ATP9B: variants seen among roughly 807,000 people sequenced by gnomAD.
ATP9B encodes ATPase phospholipid transporting 9B.
A neutral mutation model predicts 146.1 loss-of-function variants in ATP9B; 110 were observed. The ratio of observed to expected loss-of-function variants is 0.75; its 90% CI spans 0.65 to 0.88. ATP9B has a LOEUF of 0.88. Ranked by LOEUF, ATP9B falls within the 40% of genes least tolerant of loss-of-function variation. The probability of loss-of-function intolerance (pLI) is 0.00; values close to 1 mark genes in which losing one functional copy is unlikely to be tolerated. For missense variants in ATP9B, 1,499 were observed against 1,496.4 expected (o/e 1.00, Z -0.03); for synonymous variants, 604 against 569.7 (o/e 1.06, Z -0.86).
chr18:79,175,061 C>T (rs190999024), intron 7 of ATP9B, among the ~76,000 whole-genome samples: 94 of 152,016 alleles, frequency 6.2e-4, no homozygotes, highest in African/African-American at 1.4e-3. Context: ...ATTAGCTGGG[C>T]ATGGTGGCAC....
At chr18:79,295,313 C>A (rs2146266629) in intron 13 of ATP9B, among the ~76,000 whole-genome samples, 1 of 152,288 alleles carries the variant, frequency 6.6e-6, no homozygotes, top group East Asian at 1.9e-4. Flanking sequence ...GAAATTGGCA[C>A]GTAATTATGT....
intron 25 of ATP9B, among the ~76,000 whole-genome samples, chr18:79,356,531 A>G (rs1410074905): frequency 6.6e-6 from 1 of 152,246 alleles, no homozygotes; most frequent in East Asian, 1.9e-4. Flanking sequence ...GCCTGCCACA[A>G]AATAGTAGTC....
At chr18:79,332,964 A>G (rs922620609) in intron 17 of ATP9B, 5 of 152,260 alleles carry the variant, frequency 3.3e-5, no homozygotes, top group Non-Finnish European at 7.3e-5. Flanking sequence ...GTCAAATACA[A>G]TCAACTGGAT....
intron 26 of ATP9B, chr18:79,359,725 T>C (rs1030005609): frequency 4.5e-5 from 19 of 420,744 alleles, no homozygotes; most frequent in African/African-American, 3.8e-4. Context: ...ACAATTAGAA[T>C]TGTAAAAGAT....
At chr18:79,196,028 T>A (rs1386733271) in intron 9 of ATP9B, among the ~76,000 whole-genome samples, 1 of 152,158 alleles carries the variant, frequency 6.6e-6, no homozygotes, top group African/African-American at 2.4e-5. Context: ...TGTCATATTT[T>A]ACATATACAG....
At chr18:79,252,599 TC>T (rs1276960765) in intron 11 of ATP9B, among the ~76,000 whole-genome samples, 4 of 152,192 alleles carry the variant, frequency 2.6e-5, no homozygotes, top group Non-Finnish European at 5.9e-5. Context: ...TTGCTAGTTC[TC>T]TCTGTTTCCA....
chr18:79,353,204 G>C (rs1474925234), intron 25 of ATP9B: 5 of 152,284 alleles, frequency 3.3e-5, no homozygotes, highest in African/African-American at 7.2e-5. Context: ...AAGCAGGCTG[G>C]CAGTTTTTAT....
intron 11 of ATP9B, among the ~76,000 whole-genome samples, chr18:79,220,144 T>G (rs1308061909): frequency 1.3e-5 from 2 of 152,158 alleles, no homozygotes; most frequent in Admixed American, 1.3e-4. Flanking sequence ...GTGAGAGGGC[T>G]CCTTATGGAC....
intron 15 of ATP9B, among the ~76,000 whole-genome samples, chr18:79,315,201 G>A (rs1334984898): frequency 1.3e-5 from 2 of 152,174 alleles, no homozygotes; most frequent in Non-Finnish European, 2.9e-5. Context: ...TTGCTTTTGG[G>A]TTTACAGAAG....
At chr18:79,233,507 G>A (rs1004116651) in intron 11 of ATP9B, among the ~76,000 whole-genome samples, 2 of 152,162 alleles carry the variant, frequency 1.3e-5, no homozygotes, top group Non-Finnish European at 2.9e-5. Flanking sequence ...AGAGAATCTT[G>A]AAAAGAGCCA....
chr18:79,292,114 C>T (rs541736523), intron 13 of ATP9B, among the ~76,000 whole-genome samples: 3 of 152,302 alleles, frequency 2.0e-5, no homozygotes, highest in Non-Finnish European at 4.4e-5. Context: ...GTGGATACAC[C>T]ACACTTTATT....
chr18:79,095,294 C>CA (rs1178732912), intron 1 of ATP9B, among the ~76,000 whole-genome samples: 1 of 152,152 alleles, frequency 6.6e-6, no homozygotes, highest in Non-Finnish European at 1.5e-5. Flanking sequence ...TGGCTCTATG[C>CA]ACCCTCCTGT....
intron 2 of ATP9B, among the ~76,000 whole-genome samples, chr18:79,102,977 C>G (rs749309670): frequency 7.2e-5 from 11 of 152,158 alleles, no homozygotes; most frequent in Non-Finnish European, 1.5e-4. Flanking sequence ...GATCCTTTAT[C>G]CTATAACCTT....
chr18:79,232,006 T>TG (rs1002229090), intron 11 of ATP9B, among the ~76,000 whole-genome samples: 6 of 151,842 alleles, frequency 4.0e-5, no homozygotes, highest in African/African-American at 1.2e-4. Context: ...TTTGGGGACT[T>TG]GGGGGAAAGG....
intron 15 of ATP9B, among the ~76,000 whole-genome samples, chr18:79,320,999 C>A (rs1327701072): frequency 6.6e-6 from 1 of 152,174 alleles, no homozygotes; most frequent in Non-Finnish European, 1.5e-5. Context: ...TAGACTCAAA[C>A]TTATCAATCC....
Position 79,197,940 on chromosome 18 carries a change from A to G in ATP9B, c.954+4677A>G. Reference sequence around the variant, plus strand: ...TAGAATAAGGACATGTAGTTTATTAAGACTATAGAATATTAAAATAACATT... The same window carrying G: ...TAGAATAAGGACATGTAGTTTATTAGGACTATAGAATATTAAAATAACATT... On this transcript the variant is annotated intron_variant, in intron 9 of 29. Coordinates refer to ENST00000426216, the MANE Select transcript of ATP9B (RefSeq NM_198531.5). Among the ~76,000 whole-genome samples the G allele has an allele frequency of 2.0e-5, 3 of 152,366 alleles. No homozygotes were observed. The South Asian group carries it at 6.2e-4, about 32-fold the overall frequency.
chr18:79,234,271 A>G (rs971054115), intron 11 of ATP9B, among the ~76,000 whole-genome samples: 1 of 152,194 alleles, frequency 6.6e-6, no homozygotes, highest in Non-Finnish European at 1.5e-5. Flanking sequence ...TTATGAAAGG[A>G]AAAACTTCTG....
chr18:79,323,946 C>T (rs1243607001), intron 15 of ATP9B, among the ~76,000 whole-genome samples: 1 of 152,200 alleles, frequency 6.6e-6, no homozygotes. Context: ...CCACCTCCTC[C>T]CTCGCCAGCA....
chr18:79,154,680 C>G (rs1201566205), intron 7 of ATP9B, 125 bp downstream of exon 7: 4 of 547,408 alleles, frequency 7.3e-6, no homozygotes, highest in Non-Finnish European at 9.3e-6. Flanking sequence ...GAGGAATATT[C>G]TGTAGAAATG....
Sources: gnomAD v4.1 joint callset for allele counts (sites outside exome capture counted in the v4.1 genomes callset) on GRCh38, gnomAD v4.1.1 for gene constraint, MANE v1.5 for transcripts, NCBI Gene and HGNC (gene_info 2026-07-23, HGNC 2026-07-21) for gene names.